The following ANO1 variants were observed in gnomAD, a reference collection of about 807,000 sequenced individuals.
ANO1 encodes the protein anoctamin-1.
A neutral mutation model predicts 124.0 loss-of-function variants in ANO1; 59 were observed. The observed-to-expected ratio is 0.48, with a 90% CI of 0.39 to 0.59. The LOEUF is 0.59. Among genes scored for constraint, ANO1 ranks in the 20% least tolerant of loss-of-function variants. The pLI is 0.00. For missense variants in ANO1, 1,059 were observed against 1,328.0 expected, an observed-to-expected ratio of 0.80 and a Z score of 3.15; for synonymous variants, 529 against 532.0, an observed-to-expected ratio of 0.99 and a Z score of 0.08.
chr11:70,148,331 T>C (rs545164769), intron 11 of ANO1, among the ~76,000 whole-genome samples: 2 of 152,156 alleles, frequency 1.3e-5, no homozygotes, highest in Non-Finnish European at 2.9e-5. Flanking sequence ...CCGTGAGGCT[T>C]AAATCACACT....
At position 70,164,567 on chromosome 11, in the gene ANO1, T is replaced by C. The variant is rs1418156828; in HGVS notation, c.1951-903T>C. 5.0e-4 allele frequency among the ~76,000 whole-genome samples: 76 copies of C among 152,194 alleles called. 1 individual carries two copies. The highest frequency in any genetic ancestry group is 5.0e-3 in the Admixed American group (76 of 15,286). ...GGCTCTCCAAGACAAGTGTAGGGTT[T>C]GTTAGGTTTTATTTGGAATGCAGAA... On this transcript the variant is annotated intron_variant, in intron 19 of 25. Transcript: ENST00000355303.
intron 1 of ANO1, among the ~76,000 whole-genome samples, chr11:70,017,175 T>C (rs2098897746): frequency 6.6e-6 from 1 of 152,138 alleles, no homozygotes; most frequent in East Asian, 1.9e-4. Context: ...CGGAGGAGGA[T>C]GAGGCTTAGC....
At position 70,187,996 on chromosome 11, in the gene ANO1, G is replaced by T; in HGVS notation, c.2953G>T (p.Val985Phe). ...PAPSHAYHGG[V>F]L Reference sequence around the variant, plus strand: ...CCCCAGCCATGCCTACCACGGGGGCGTCCTGTAGCTATGCCAGCGGGGCTG... The same window carrying T: ...CCCCAGCCATGCCTACCACGGGGGCTTCCTGTAGCTATGCCAGCGGGGCTG... The change falls in exon 26 of 26, where the codon GTC becomes TTC. Residue 985 changes from valine (V) to phenylalanine (F), a missense_variant. Around this residue, in one of 2 missense-constraint regions of ANO1, gnomAD observed 809 missense variants for 1,094.9 expected, o/e 0.74. Transcript: ENST00000355303. 1.3e-6 allele frequency: 2 copies of T among 1,561,312 alleles called. No homozygotes were observed. Among genetic ancestry groups the T allele is most frequent in the African/African-American group, 1.4e-5 (1 of 73,766 alleles).
At chr11:70,149,171 A>C (rs1403936829) in intron 11 of ANO1, among the ~76,000 whole-genome samples, 1 of 151,910 alleles carries the variant, frequency 6.6e-6, no homozygotes, top group East Asian at 1.9e-4. Context: ...CATGCTGCCC[A>C]TCCCTCACTG....
In ANO1 at chr11:70,161,418, G is replaced by C. The variant is rs76552962; in HGVS notation, c.1780+56G>C. 321 of 1,572,874 alleles carry C rather than the reference G, an allele frequency of 2.0e-4. No individual in the cohort carries two copies. In the African/African-American group the frequency reaches 3.9e-3, roughly 19 times the overall value. On this transcript the variant is annotated intron_variant, in intron 17 of 25. Coordinates refer to ENST00000355303, the MANE Select transcript of ANO1 (RefSeq NM_018043.7). Reference sequence around the variant, plus strand: ...TGGACTCAGGCAGCTGGAGTCGCCTGCCTCTTGCTGTGCATCCTTGAGTTT... The same window carrying C: ...TGGACTCAGGCAGCTGGAGTCGCCTCCCTCTTGCTGTGCATCCTTGAGTTT...
Position 70,161,687 on chromosome 11 carries a change from GT to G in ANO1, c.1847del (p.Val616GlyfsTer42). 6.2e-7 allele frequency: 1 copy of G among 1,614,032 alleles called. No individual in the cohort carries two copies. The highest frequency in any genetic ancestry group is 1.3e-5 in the African/African-American group (1 of 75,058). On this transcript the variant is annotated frameshift_variant, in exon 18 of 26. Coordinates refer to ENST00000355303, the MANE Select transcript of ANO1 (RefSeq NM_018043.7). LOFTEE classifies it high-confidence loss of function. ...CTTCAAGGCTTTCCTGCTGAAGTTT[GT>G]GAATTCCTACACCCCCATCTTTTAC... ...LIFKAFLLKF[V>X]NSYTPIFYVA... is the part of the protein sequence containing the mutation.
At chr11:70,077,472 C>T (rs556246810), upstream of ANO1, among the ~76,000 whole-genome samples, 12 of 152,294 alleles carry the variant, frequency 7.9e-5, 1 homozygote, top group South Asian at 2.5e-3. Context: ...GTATGGTCGT[C>T]CCCTGGGGAC....
rs2045792749 is a variant in ANO1, at chr11:70,111,816, C to T, written c.855+54C>T. Reference sequence around the variant, plus strand: ...CTGCGTCATTTGACTCCCCAAATCCCGCCGGGCCACACCCCCCCGGGAGCT... The same window carrying T: ...CTGCGTCATTTGACTCCCCAAATCCTGCCGGGCCACACCCCCCCGGGAGCT... On this transcript the variant is annotated intron_variant, in intron 7 of 25. Coordinates refer to ENST00000355303, the MANE Select transcript of ANO1 (RefSeq NM_018043.7). 1.7e-5 allele frequency: 27 copies of T among 1,575,684 alleles called. 2 individuals carry two copies. In the South Asian group the frequency reaches 2.9e-4, roughly 17 times the overall value.
the ANO1 span, among the ~76,000 whole-genome samples, chr11:69,975,801 C>T: frequency 1.2e-4 from 18 of 152,326 alleles, no homozygotes; most frequent in Non-Finnish European, 2.4e-4. Context: ...CACATTTTAG[C>T]GCAGCTGGTC....
intron 1 of ANO1, among the ~76,000 whole-genome samples, chr11:70,041,517 C>T (rs930811293): frequency 6.6e-5 from 10 of 152,192 alleles, no homozygotes; most frequent in Non-Finnish European, 1.3e-4. Flanking sequence ...TGCCACATTT[C>T]ATCCAGTTGG....
At chr11:69,983,457 T>A (rs1050320037), upstream of ANO1, among the ~76,000 whole-genome samples, 2 of 152,190 alleles carry the variant, frequency 1.3e-5, no homozygotes, top group Non-Finnish European at 2.9e-5. Flanking sequence ...CCCGAGCCAG[T>A]GCACTGGCCC....
chr11:69,967,104 C>T, the ANO1 span, among the ~76,000 whole-genome samples: 1 of 152,226 alleles, frequency 6.6e-6, no homozygotes, highest in Non-Finnish European at 1.5e-5. Flanking sequence ...TGCCCAATGT[C>T]CCCTGAGGGC....
In ANO1 at chr11:70,078,630, G is replaced by C. The variant is rs2135163899; in HGVS notation, c.24G>C (p.Ser8=). 6.7e-7 allele frequency: 1 copy of C among 1,499,682 alleles called. No individual in the cohort carries two copies. 92.9% of individuals were successfully genotyped at this position (1,499,682 alleles called of 1,614,324 possible). ...CGATGAGGGTCAACGAGAAGTACTCGACGCTCCCGGCCGAGGACCGCAGCG... is the reference window on the plus strand; with the variant it reads ...CGATGAGGGTCAACGAGAAGTACTCCACGCTCCCGGCCGAGGACCGCAGCG... MRVNEKY[S]TLPAEDRSVH... Residue 8 remains serine, a synonymous_variant, in exon 1 of 26, where the codon TCG becomes TCC. Coordinates refer to ENST00000355303, the MANE Select transcript of ANO1 (RefSeq NM_018043.7).
intron 1 of ANO1, among the ~76,000 whole-genome samples, chr11:70,051,176 AC>A (rs1412767519): frequency 2.2e-4 from 33 of 151,672 alleles, no homozygotes; most frequent in Non-Finnish European, 2.5e-4. Context: ...ATGCCCACCC[AC>A]CCCCAGTCAT....
At chr11:70,130,009 C>T (rs1477763155) in intron 10 of ANO1, among the ~76,000 whole-genome samples, 1 of 152,176 alleles carries the variant, frequency 6.6e-6, no homozygotes, top group Non-Finnish European at 1.5e-5. Flanking sequence ...ACAGAGGAGG[C>T]CCTTCAGAGC....
rs371991794 is a variant in ANO1, at chr11:70,167,506, T to G, written c.2197+119T>G. 5.8e-5 allele frequency: 78 copies of G among 1,348,906 alleles called. No individual in the cohort carries two copies. In the African/African-American group the frequency reaches 9.5e-4, roughly 16 times the overall value. The allele number at this position is 1,348,906 out of a possible 1,614,324, so 83.6% of individuals were successfully genotyped here. Reference sequence around the variant, plus strand: ...CCAACCCTGCGGTGCCCAGCGTCCCTCCATAAGCATCAGGCAGGGAGAAGA... The same window carrying G: ...CCAACCCTGCGGTGCCCAGCGTCCCGCCATAAGCATCAGGCAGGGAGAAGA... On this transcript the variant is annotated intron_variant, in intron 21 of 25. Coordinates refer to ENST00000355303, the MANE Select transcript of ANO1 (RefSeq NM_018043.7).
At chr11:70,152,224 A>G (rs888586904) in intron 12 of ANO1, among the ~76,000 whole-genome samples, 2 of 151,100 alleles carry the variant, frequency 1.3e-5, no homozygotes, top group Non-Finnish European at 2.9e-5. Context: ...TATCCCAGCT[A>G]CTCAGGAGGC....
intron 1 of ANO1, among the ~76,000 whole-genome samples, chr11:69,988,038 CAG>C (rs1856082747): frequency 6.6e-6 from 1 of 152,176 alleles, no homozygotes; most frequent in African/African-American, 2.4e-5. Flanking sequence ...ACGGGTGTCC[CAG>C]CCTCGGTTCT....
At chr11:70,098,200 AG>A (rs1432792875) in intron 2 of ANO1, among the ~76,000 whole-genome samples, 2 of 152,160 alleles carry the variant, frequency 1.3e-5, no homozygotes, top group South Asian at 2.1e-4. Flanking sequence ...GGCTCCCCGC[AG>A]GGCTGGGTGT....
Sources: allele counts gnomAD v4.1 joint callset (sites outside exome capture counted in the v4.1 genomes callset), GRCh38; gene constraint gnomAD v4.1.1; regional missense constraint gnomAD v4.1.1; transcripts MANE v1.5; gene names NCBI Gene and HGNC (gene_info 2026-07-23, HGNC 2026-07-21).